Variants in BRPF3 observed in about 807,000 individuals in gnomAD.
BRPF3 encodes the protein bromodomain and PHD finger-containing protein 3.
BRPF3 carries 18 observed loss-of-function variants against 102.0 expected under a neutral mutation model. That is an observed-to-expected ratio of 0.18 (90% CI 0.12 to 0.26). The LOEUF is 0.26. BRPF3 is among the 10% of genes least tolerant of loss of function. BRPF3 has a pLI of 1.00. For missense variants in BRPF3, 1,147 were observed against 1,567.8 expected (o/e 0.73, Z 4.53); for synonymous variants, 570 against 614.2 (o/e 0.93, Z 1.06).
intron 7 of BRPF3, among the ~76,000 whole-genome samples, chr6:36,212,537 C>T (rs1241951292): frequency 7.8e-6 from 1 of 129,006 alleles, no homozygotes; most frequent in Non-Finnish European, 1.6e-5. Flanking sequence ...TGTGGCAGTA[C>T]AGAGTTGTGC....
At chr6:36,226,154 T>A (rs1416861505) in intron 11 of BRPF3, among the ~76,000 whole-genome samples, 2 of 152,254 alleles carry the variant, frequency 1.3e-5, no homozygotes, top group African/African-American at 4.8e-5. Flanking sequence ...ATCATTGTAG[T>A]TTTACCCTTG....
chr6:36,218,264 A>G (rs1768402618), intron 9 of BRPF3, among the ~76,000 whole-genome samples: 1 of 152,022 alleles, frequency 6.6e-6, no homozygotes. Flanking sequence ...TGGACTCTAG[A>G]GGATAAGAAA....
intron 4 of BRPF3, among the ~76,000 whole-genome samples, chr6:36,209,347 T>C (rs1768014400): frequency 6.6e-6 from 1 of 152,234 alleles, no homozygotes; most frequent in Admixed American, 6.5e-5. Flanking sequence ...CTGCTCCTTA[T>C]TAGCTATGAC....
chr6:36,232,194 A>AAT lies in BRPF3; in HGVS notation c.*1585_*1586insAT, dbSNP rs1158129684. On this transcript the variant is annotated 3_prime_UTR_variant, in exon 13 of 13. Transcript: ENST00000357641. ...TTTTGTATAATAATAAAAACAATACAGCATATGGCTAGGGAAGGACATGGT... is the reference window on the plus strand; with the variant it reads ...TTTTGTATAATAATAAAAACAATACAATGCATATGGCTAGGGAAGGACATGGT... The AAT allele has an allele frequency of 6.5e-6, 1 of 152,680 alleles. No homozygotes were observed. The highest frequency in any genetic ancestry group is 1.5e-5 in the Non-Finnish European group (1 of 68,050). 9.5% of individuals were successfully genotyped at this position (152,680 alleles called of 1,614,324 possible).
chr6:36,206,903 G>T (rs181950409), intron 3 of BRPF3, among the ~76,000 whole-genome samples: 5 of 152,244 alleles, frequency 3.3e-5, no homozygotes, highest in African/African-American at 1.2e-4. Flanking sequence ...TGATTTGTTT[G>T]TTGTTGTTTT....
chr6:36,220,202 T>G (rs1768485132), intron 9 of BRPF3, among the ~76,000 whole-genome samples: 1 of 152,256 alleles, frequency 6.6e-6, no homozygotes, highest in African/African-American at 2.4e-5. Context: ...GACCTATTTT[T>G]GGTGTTGCAT....
At chr6:36,197,361 C>G (rs1767535628) in intron 1 of BRPF3, 1 of 152,496 alleles carries the variant, frequency 6.6e-6, no homozygotes, top group Admixed American at 6.5e-5. Context: ...CCGCCCCGCT[C>G]ATTCGCTGGC....
chr6:36,202,097 T>C (rs1767726529), intron 2 of BRPF3, among the ~76,000 whole-genome samples: 1 of 152,228 alleles, frequency 6.6e-6, no homozygotes, highest in Non-Finnish European at 1.5e-5. Flanking sequence ...AAGTGTCCTG[T>C]ACATTTCTAG....
chr6:36,211,111 A>T, intron 6 of BRPF3, 147 bp from the exon 7 acceptor site: 1 of 889,732 alleles, frequency 1.1e-6, no homozygotes, highest in Non-Finnish European at 1.7e-6. Flanking sequence ...GTGGTGTTGC[A>T]GGGCCAAGGC....
chr6:36,205,442 TTC>T (rs1241711143), intron 3 of BRPF3, among the ~76,000 whole-genome samples: 1 of 152,222 alleles, frequency 6.6e-6, no homozygotes, highest in Non-Finnish European at 1.5e-5. Flanking sequence ...GCCTTCTGCA[TTC>T]TGTCTGATCT....
At chr6:36,207,675 C>A (rs758010147) in intron 4 of BRPF3, among the ~76,000 whole-genome samples, 25 of 152,204 alleles carry the variant, frequency 1.6e-4, no homozygotes, top group Non-Finnish European at 1.8e-4. Flanking sequence ...AGCTTAATAT[C>A]ATATGCCTGG....
At chr6:36,218,546 G>A (rs1044172435) in intron 9 of BRPF3, among the ~76,000 whole-genome samples, 5 of 147,090 alleles carry the variant, frequency 3.4e-5, no homozygotes, top group Admixed American at 7.1e-5. Context: ...TGCAACCTCC[G>A]CCTCCTGGGT....
intron 3 of BRPF3, among the ~76,000 whole-genome samples, chr6:36,206,788 T>C (rs2269565): frequency 0.01 from 1,558 of 152,332 alleles, 19 homozygotes; most frequent in African/African-American, 0.029. Context: ...CCAGTTTATA[T>C]TATTAGTTTG....
chr6:36,204,837 G>A (rs1223057201), intron 3 of BRPF3, 23 bp downstream of exon 3: 13 of 1,607,950 alleles, frequency 8.1e-6, no homozygotes, highest in Non-Finnish European at 1.1e-5. Flanking sequence ...GTGATTTGAG[G>A]CTGGTAGAGG....
chr6:36,225,721 G>A (rs1768717361), intron 11 of BRPF3, among the ~76,000 whole-genome samples: 1 of 152,146 alleles, frequency 6.6e-6, no homozygotes, highest in African/African-American at 2.4e-5. Context: ...ACTGAGGAAA[G>A]TATGATTATT....
chr6:36,218,127 C>A, intron 9 of BRPF3, 117 bp downstream of exon 9: 2 of 845,842 alleles, frequency 2.4e-6, no homozygotes, highest in Non-Finnish European at 3.7e-6. Flanking sequence ...CCCACTCCTG[C>A]TATTTCCTGA....
Position 36,210,017 on chromosome 6 carries a change from G to A in BRPF3, c.1866+102G>A. ...GGCCACAGGGTGTACAAAACCAGGG[G>A]TAGGAGGGTGGGTCTGGCAAAGCTA... On this transcript the variant is annotated intron_variant, in intron 5 of 12. Coordinates refer to ENST00000357641, the MANE Select transcript of BRPF3 (RefSeq NM_015695.3). The surrounding 1 kb of genome is among the most constrained non-coding windows in gnomAD (Gnocchi z 4.7). 1 of 1,514,548 alleles carries A rather than the reference G, an allele frequency of 6.6e-7. No individual in the cohort carries two copies. 93.8% of individuals were successfully genotyped at this position (1,514,548 alleles called of 1,614,324 possible).
chr6:36,225,152 G>A (rs571571211), intron 10 of BRPF3, 115 bp from the exon 11 acceptor site: 393 of 723,410 alleles, frequency 5.4e-4, no homozygotes, highest in Admixed American at 1.3e-3. Flanking sequence ...AGGGTGGAGG[G>A]GATGTTGTGA....
chr6:36,204,053 T>C (rs1397584583), intron 2 of BRPF3, among the ~76,000 whole-genome samples: 1 of 152,238 alleles, frequency 6.6e-6, no homozygotes, highest in Non-Finnish European at 1.5e-5. Flanking sequence ...TTTAGCCAGC[T>C]GGGTTTTCAC....
Sources: gnomAD v4.1 joint callset for allele counts (sites outside exome capture counted in the v4.1 genomes callset) on GRCh38, gnomAD v4.1.1 for gene constraint, Gnocchi (gnomAD v3.1) non-coding constraint, MANE v1.5 for transcripts, NCBI Gene and HGNC (gene_info 2026-07-23, HGNC 2026-07-21) for gene names.